KIZ: variants seen among roughly 807,000 people sequenced by gnomAD.
KIZ encodes the protein kizuna centrosomal protein, also known as centrosomal protein kizuna.
KIZ carries 68 observed loss-of-function variants against 79.6 expected under a neutral mutation model. That is an observed-to-expected ratio of 0.85 (90% confidence interval 0.70 to 1.05). KIZ has a LOEUF of 1.05. Among genes scored for constraint, KIZ ranks in the 50% least tolerant of loss-of-function variants. KIZ has a pLI of 0.00. For synonymous variants in KIZ, 280 were observed against 281.8 expected (o/e 0.99, Z 0.06); for missense variants, 797 against 800.4 (o/e 1.00, Z 0.05).
At position 21,165,716 on chromosome 20, in the gene KIZ, G is replaced by A. The variant is rs368789678; in HGVS notation, c.1352+2557G>A. On this transcript the variant is annotated intron_variant, in intron 6 of 12. Coordinates refer to ENST00000619189, the MANE Select transcript of KIZ (RefSeq NM_018474.6). ...TTTACTCCTGTGATGAAGCTGTCAT[G>A]TGACAAAGATGAAGGATTTTGCAGA... Among the ~76,000 whole-genome samples the A allele has an allele frequency of 5.3e-5, 8 of 152,324 alleles. No individual in the cohort carries two copies. In the South Asian group the frequency reaches 1.0e-3, roughly 20 times the overall value.
intron 9 of KIZ, among the ~76,000 whole-genome samples, chr20:21,220,386 G>A (rs1600580932): frequency 6.6e-6 from 1 of 152,228 alleles, no homozygotes; most frequent in Non-Finnish European, 1.5e-5. Context: ...TGTAGCTGGT[G>A]TGTTTGATCT....
intron 4 of KIZ, among the ~76,000 whole-genome samples, chr20:21,156,686 A>G (rs896365307): frequency 3.9e-5 from 6 of 152,206 alleles, no homozygotes; most frequent in Non-Finnish European, 8.8e-5. Flanking sequence ...GATTCTGATC[A>G]TGAACTGTGC....
chr20:21,239,235 G>A (rs1267340047), intron 11 of KIZ, among the ~76,000 whole-genome samples: 1 of 152,172 alleles, frequency 6.6e-6, no homozygotes. Flanking sequence ...AGTCTTTCTG[G>A]CCCCAGAGCT....
intron 11 of KIZ, among the ~76,000 whole-genome samples, chr20:21,234,030 G>A (rs1391337297): frequency 1.3e-5 from 2 of 152,116 alleles, no homozygotes; most frequent in African/African-American, 4.8e-5. Context: ...TTAAAAGACA[G>A]TAAATTCTAC....
chr20:21,164,570 C>CT (rs772923040), intron 6 of KIZ, among the ~76,000 whole-genome samples: 138 of 152,194 alleles, frequency 9.1e-4, no homozygotes, highest in Admixed American at 1.6e-3. Context: ...CAAGTTAGTA[C>CT]TTTGGTAGGC....
chr20:21,232,336 G>GT, intron 10 of KIZ, among the ~76,000 whole-genome samples: 1 of 152,310 alleles, frequency 6.6e-6, no homozygotes, highest in East Asian at 1.9e-4. Context: ...AGTGGATAAG[G>GT]TGGGTGACTG....
At chr20:21,166,164 T>TG in intron 6 of KIZ, 2 of 926,894 alleles carry the variant, frequency 2.2e-6, no homozygotes, top group Non-Finnish European at 1.6e-6. Flanking sequence ...TTTTTTTTTT[T>TG]GTCCATGAGG....
intron 6 of KIZ, among the ~76,000 whole-genome samples, chr20:21,199,081 C>T (rs1240999270): frequency 6.6e-6 from 1 of 152,278 alleles, no homozygotes; most frequent in Middle Eastern, 3.4e-3. Flanking sequence ...TTATAATTCT[C>T]TGCGCAAACT....
rs375681256 is a variant in KIZ at position 21,204,351 on chromosome 20, G to A, written c.1353-1140G>A. ...GGGATGGTCTCGATCTCCTGACCTC[G>A]TGATCCGCCCGCCTCGGCCTCCCAA... On this transcript the variant is annotated intron_variant, in intron 6 of 12. Coordinates refer to ENST00000619189, the MANE Select transcript of KIZ (RefSeq NM_018474.6). Among the ~76,000 whole-genome samples the A allele has an allele frequency of 4.3e-4, 65 of 151,726 alleles. No homozygotes were observed. The South Asian group carries it at 0.013, about 30-fold the overall frequency.
At chr20:21,152,448 G>C (rs2122576549) in intron 4 of KIZ, among the ~76,000 whole-genome samples, 1 of 152,244 alleles carries the variant, frequency 6.6e-6, no homozygotes, top group African/African-American at 2.4e-5. Context: ...TAGAAAATTG[G>C]AGGTGCCTTT....
intron 11 of KIZ, among the ~76,000 whole-genome samples, chr20:21,239,893 A>G (rs2037157611): frequency 6.6e-6 from 1 of 152,208 alleles, no homozygotes; most frequent in Non-Finnish European, 1.5e-5. Context: ...GTTTATCAGT[A>G]GCAGGGGAAT....
chr20:21,167,317 G>C (rs2033986800), intron 6 of KIZ, among the ~76,000 whole-genome samples: 1 of 152,180 alleles, frequency 6.6e-6, no homozygotes, highest in Admixed American at 6.5e-5. Flanking sequence ...GGCTGAATTG[G>C]ACATGTTCAG....
intron 4 of KIZ, among the ~76,000 whole-genome samples, chr20:21,147,994 T>TGG (rs1555874730): frequency 4.6e-5 from 7 of 151,134 alleles, no homozygotes; most frequent in South Asian, 2.1e-4. Context: ...TGTGTGTGTG[T>TGG]GGCAGCAGAT....
chr20:21,153,917 G>A (rs1314222229), intron 4 of KIZ: 1 of 152,162 alleles, frequency 6.6e-6, no homozygotes, highest in Non-Finnish European at 1.5e-5. Context: ...TTAAGCCACA[G>A]TGGGGATTGG....
intron 11 of KIZ, among the ~76,000 whole-genome samples, chr20:21,243,719 A>T (rs1354343664): frequency 6.6e-6 from 1 of 152,128 alleles, no homozygotes; most frequent in African/African-American, 2.4e-5. Flanking sequence ...CATTTATGTG[A>T]CACTTGCAGG....
At chr20:21,157,854 G>A (rs190023228) in intron 4 of KIZ, among the ~76,000 whole-genome samples, 3 of 152,240 alleles carry the variant, frequency 2.0e-5, no homozygotes, top group Admixed American at 6.5e-5. Flanking sequence ...TGGGTTAGTC[G>A]TTGCTCTGGT....
intron 6 of KIZ, among the ~76,000 whole-genome samples, chr20:21,188,481 A>T (rs2034974221): frequency 6.6e-6 from 1 of 152,118 alleles, no homozygotes; most frequent in Non-Finnish European, 1.5e-5. Flanking sequence ...CAATGATCAA[A>T]TAAAATTTGT....
At chr20:21,135,012 C>A (rs990475696) in intron 2 of KIZ, among the ~76,000 whole-genome samples, 4 of 152,166 alleles carry the variant, frequency 2.6e-5, no homozygotes, top group African/African-American at 4.8e-5. Context: ...GGGAAGGCCT[C>A]CCTGGCCTTT....
At chr20:21,152,539 G>A (rs2033170180) in intron 4 of KIZ, among the ~76,000 whole-genome samples, 1 of 152,122 alleles carries the variant, frequency 6.6e-6, no homozygotes, top group Admixed American at 6.5e-5. Flanking sequence ...TACCCTATTT[G>A]GGGATGGTGG....
Sources: allele counts gnomAD v4.1 joint callset (sites outside exome capture counted in the v4.1 genomes callset), GRCh38; gene constraint gnomAD v4.1.1; transcripts MANE v1.5; gene names NCBI Gene and HGNC (gene_info 2026-07-23, HGNC 2026-07-21).